Variants in R3HDM1 observed in about 807,000 individuals in gnomAD.
R3HDM1 encodes R3H domain containing 1, also known as R3H domain-containing protein 1.
A neutral mutation model predicts 141.1 loss-of-function variants in R3HDM1; 46 were observed. That is an observed-to-expected ratio of 0.33 (90% confidence interval 0.26 to 0.42). The LOEUF is 0.42. Ranked by LOEUF, R3HDM1 falls within the 10% of genes least tolerant of loss-of-function variation. R3HDM1 has a pLI of 1.00. For synonymous variants in R3HDM1, 435 were observed against 472.9 expected (o/e 0.92, Z 1.04); for missense variants, 1,184 against 1,368.3 (o/e 0.87, Z 2.12).
At chr2:135,700,837 A>G (rs1018452104) in intron 21 of R3HDM1, among the ~76,000 whole-genome samples, 2 of 152,200 alleles carry the variant, frequency 1.3e-5, no homozygotes, top group African/African-American at 4.8e-5. Flanking sequence ...GGGTGATTTC[A>G]TACAACAGGA....
intron 1 of R3HDM1, among the ~76,000 whole-genome samples, chr2:135,569,481 T>TA (rs532028284): frequency 7.0e-4 from 100 of 142,980 alleles, no homozygotes; most frequent in South Asian, 1.5e-3. Context: ...AGACTCCATC[T>TA]AAAAAAAAAA....
At chr2:135,577,301 CA>C (rs1705663832) in intron 1 of R3HDM1, 1 of 817,104 alleles carries the variant, frequency 1.2e-6, no homozygotes, top group East Asian at 1.3e-4. Flanking sequence ...ATTTTTTCAA[CA>C]TATACCTTAG....
chr2:135,662,887 G>T (rs1193227576), intron 19 of R3HDM1, among the ~76,000 whole-genome samples: 2 of 151,914 alleles, frequency 1.3e-5, no homozygotes, highest in Non-Finnish European at 2.9e-5. Context: ...TGTAGCTGAT[G>T]CCATAATAAA....
chr2:135,603,836 A>AG, intron 2 of R3HDM1, among the ~76,000 whole-genome samples: 1 of 152,174 alleles, frequency 6.6e-6, no homozygotes. Context: ...TGAACTCCTG[A>AG]GCTCAAGCAA....
intron 16 of R3HDM1, among the ~76,000 whole-genome samples, chr2:135,646,313 T>A (rs917865311): frequency 1.5e-4 from 23 of 151,642 alleles, no homozygotes; most frequent in African/African-American, 5.6e-4. Context: ...TTTTTTGTAT[T>A]TTTAGTAGAG....
intron 1 of R3HDM1, among the ~76,000 whole-genome samples, chr2:135,568,372 G>A (rs141335929): frequency 4.6e-5 from 7 of 150,862 alleles, no homozygotes; most frequent in African/African-American, 9.8e-5. Context: ...TGTTTGAGGC[G>A]GAGTTTTGCC....
At chr2:135,723,506 T>C (rs1399722991) in intron 26 of R3HDM1, among the ~76,000 whole-genome samples, 1 of 151,704 alleles carries the variant, frequency 6.6e-6, no homozygotes, top group African/African-American at 2.4e-5. Flanking sequence ...ATGCAGTGCC[T>C]CATGCCTGTA....
At chr2:135,708,147 A>G (rs930133581) in intron 21 of R3HDM1, among the ~76,000 whole-genome samples, 1 of 152,214 alleles carries the variant, frequency 6.6e-6, no homozygotes, top group Non-Finnish European at 1.5e-5. Context: ...GCATCATAGT[A>G]TTTCATATCC....
At position 135,710,080 on chromosome 2, in the gene R3HDM1, G is replaced by T. The variant is rs766573866; in HGVS notation, c.2585G>T (p.Gly862Val). ...TCAGCTGGACCACCACCGCCACCTG[G>T]TGGGGGGATGGTGATGATGCAGCTC... ...QCTAGPPPPP[G>V]GGMVMMQLSV... Residue 862 changes from glycine (G) to valine (V), a missense_variant, in exon 23 of 27, where the codon GGT becomes GTT. Physicochemically the swap from Gly to Val is moderately radical, Grantham distance 109. Coordinates refer to ENST00000683871, the MANE Select transcript of R3HDM1 (RefSeq NM_001378107.1). 7.4e-6 allele frequency: 12 copies of T among 1,613,674 alleles called. No homozygotes were observed. Among genetic ancestry groups the T allele is most frequent in the Non-Finnish European group, 9.3e-6 (11 of 1,179,894 alleles).
rs1169107105 is a variant in R3HDM1 at position 135,711,315 on chromosome 2, CAA to C, written c.2736+1085_2736+1086del. ...GGTCTGTTATACATTAAAAGAGACT[CAA>C]GAGGTATAATATCAGATATAATGTA... On this transcript the variant is annotated intron_variant, in intron 23 of 26. Transcript: ENST00000683871. 8.5e-5 allele frequency among the ~76,000 whole-genome samples: 13 copies of C among 152,218 alleles called. No homozygotes were observed. The South Asian group carries it at 2.3e-3, about 27-fold the overall frequency.
intron 1 of R3HDM1, among the ~76,000 whole-genome samples, chr2:135,554,456 T>G (rs1247816342): frequency 2.0e-5 from 3 of 152,242 alleles, no homozygotes; most frequent in Non-Finnish European, 2.9e-5. Flanking sequence ...ATTGTGAGCA[T>G]CACTCTGTAA....
intron 15 of R3HDM1, 93 bp downstream of exon 15, chr2:135,641,883 A>T: frequency 3.0e-6 from 4 of 1,329,934 alleles, no homozygotes; most frequent in Non-Finnish European, 4.0e-6. Context: ...TCAGCTTTTT[A>T]TTATTCATGA....
intron 21 of R3HDM1, among the ~76,000 whole-genome samples, chr2:135,694,972 C>T (rs2073018748): frequency 6.6e-6 from 1 of 152,154 alleles, no homozygotes; most frequent in Non-Finnish European, 1.5e-5. Flanking sequence ...AAGTAGAGGA[C>T]TTAAAAGGAC....
chr2:135,635,268 A>T (rs2063144371), intron 9 of R3HDM1, among the ~76,000 whole-genome samples: 1 of 152,182 alleles, frequency 6.6e-6, no homozygotes, highest in Admixed American at 6.5e-5. Flanking sequence ...TAGGTACCAT[A>T]GGAGTAGCAT....
intron 1 of R3HDM1, chr2:135,558,902 G>A: frequency 1.3e-5 from 8 of 611,090 alleles, no homozygotes; most frequent in Non-Finnish European, 1.6e-5. Context: ...TTCCTTTTAG[G>A]ATTCCTTAAG....
intron 1 of R3HDM1, chr2:135,584,161 C>G (rs1707368498): frequency 1.2e-5 from 8 of 654,984 alleles, no homozygotes; most frequent in Non-Finnish European, 1.5e-5. Flanking sequence ...AACACCATCT[C>G]TAATAAAAAT....
At chr2:135,686,889 C>T (rs1314943814) in intron 21 of R3HDM1, among the ~76,000 whole-genome samples, 1 of 152,200 alleles carries the variant, frequency 6.6e-6, no homozygotes, top group African/African-American at 2.4e-5. Context: ...CCTTATTCCA[C>T]AGTATGACCT....
chr2:135,686,490 C>T (rs1055291407), intron 21 of R3HDM1, among the ~76,000 whole-genome samples: 2 of 152,200 alleles, frequency 1.3e-5, no homozygotes, highest in East Asian at 3.9e-4. Context: ...GATCCCAACA[C>T]TTTTTGAGGC....
intron 1 of R3HDM1, among the ~76,000 whole-genome samples, chr2:135,575,067 G>A (rs973932768): frequency 1.3e-5 from 2 of 152,128 alleles, no homozygotes; most frequent in Admixed American, 6.5e-5. Flanking sequence ...AATCTGAAAG[G>A]CTCCAAAATT....
Sources: gnomAD v4.1 joint callset for allele counts (sites outside exome capture counted in the v4.1 genomes callset) on GRCh38, gnomAD v4.1.1 for gene constraint, MANE v1.5 for transcripts, NCBI Gene and HGNC (gene_info 2026-07-23, HGNC 2026-07-21) for gene names.